Variants in PNPLA1 observed in about 807,000 individuals in gnomAD.
PNPLA1 encodes the protein patatin like domain 1, omega-hydroxyceramide transacylase.
Under a neutral mutation model 51.7 loss-of-function variants are expected in PNPLA1, and 36 were observed. The ratio of observed to expected loss-of-function variants is 0.70; its 90% CI spans 0.53 to 0.92. The LOEUF is 0.92. PNPLA1 is among the 40% of genes least tolerant of loss of function. The pLI, the probability that PNPLA1 is intolerant of heterozygous loss-of-function variation, is 0.00. For synonymous variants in PNPLA1, 293 were observed against 280.1 expected, an observed-to-expected ratio of 1.05 and a Z score of -0.46; for missense variants, 658 against 682.5, an observed-to-expected ratio of 0.96 and a Z score of 0.40.
At chr6:36,255,868 C>A (rs970884896) in intron 1 of PNPLA1, among the ~76,000 whole-genome samples, 10 of 152,204 alleles carry the variant, frequency 6.6e-5, no homozygotes, top group Non-Finnish European at 1.2e-4. Flanking sequence ...CTCTAACATG[C>A]ATCTGAAACA....
rs549646448 is a variant in PNPLA1, at chr6:36,253,327, T to C, written c.-81+10066T>C. ...ATTTTACTACTCCCTTACTCTGCAA[T>C]GTAGCTTTACAATGCTTGAGTAGTT... On this transcript the variant is annotated intron_variant, in intron 1 of 7. Transcript: ENST00000312917. Among the ~76,000 whole-genome samples, 5 of 152,366 alleles carry C rather than the reference T, an allele frequency of 3.3e-5. No homozygotes were observed. The East Asian group carries it at 5.8e-4, about 18-fold the overall frequency.
intron 1 of PNPLA1, among the ~76,000 whole-genome samples, chr6:36,263,247 A>G (rs978607936): frequency 6.6e-6 from 1 of 152,164 alleles, no homozygotes; most frequent in South Asian, 2.1e-4. Flanking sequence ...TGACTAAAAA[A>G]CTGCACACCG....
chr6:36,293,090 G>A lies in PNPLA1; in HGVS notation c.468G>A (p.Val156=). The A allele has an allele frequency of 6.2e-7, 1 of 1,614,102 alleles. No individual in the cohort carries two copies. The highest frequency in any genetic ancestry group is 8.5e-7 in the Non-Finnish European group (1 of 1,179,980). The part of the protein sequence containing the change: ...EALYCSCFVP[V]YCGLIPPTYR... ...TATACTGCAGCTGCTTCGTCCCGGT[G>A]TACTGTGGCCTCATCCCCCCGACTT... The change falls in exon 3 of 9, where the codon GTG becomes GTA. Residue 156 remains valine, a synonymous_variant. Transcript: ENST00000636260.
chr6:36,302,820 G>A (rs529637431), intron 6 of PNPLA1, among the ~76,000 whole-genome samples: 1 of 152,232 alleles, frequency 6.6e-6, no homozygotes, highest in South Asian at 2.1e-4. Flanking sequence ...CCCTCCAGGT[G>A]ATTTTTTGCC....
intron 1 of PNPLA1, among the ~76,000 whole-genome samples, chr6:36,245,946 ACTGT>A (rs574872563): frequency 8.4e-4 from 128 of 152,200 alleles, no homozygotes; most frequent in African/African-American, 2.3e-3. Context: ...TCAGCTTTAT[ACTGT>A]CTGTTATTCC....
At chr6:36,284,977 A>T (rs1298685263) in intron 1 of PNPLA1, among the ~76,000 whole-genome samples, 5 of 152,174 alleles carry the variant, frequency 3.3e-5, no homozygotes, top group African/African-American at 1.2e-4. Flanking sequence ...CATAGAAATA[A>T]AATGGTAAAT....
At chr6:36,272,085 G>T (rs1769934030) in intron 1 of PNPLA1, among the ~76,000 whole-genome samples, 1 of 152,168 alleles carries the variant, frequency 6.6e-6, no homozygotes, top group Non-Finnish European at 1.5e-5. Flanking sequence ...AATGATTCAA[G>T]CGCATTACAT....
intron 1 of PNPLA1, among the ~76,000 whole-genome samples, chr6:36,282,212 G>GGAAGGGAAGGAA (rs1554136650): frequency 0.078 from 8,426 of 108,666 alleles, 1,187 homozygotes; most frequent in African/African-American, 0.21. Context: ...AAGGAAGGAA[G>GGAAGGGAAGGAA]GGAAGGAAGG....
At chr6:36,291,080 G>A (rs1770660848) in intron 1 of PNPLA1, among the ~76,000 whole-genome samples, 1 of 152,186 alleles carries the variant, frequency 6.6e-6, no homozygotes, top group Admixed American at 6.5e-5. Flanking sequence ...AGGATGCCTG[G>A]GTCCAGCTCC....
chr6:36,289,619 A>C (rs1380118135), intron 1 of PNPLA1, among the ~76,000 whole-genome samples: 1 of 152,072 alleles, frequency 6.6e-6, no homozygotes, highest in Non-Finnish European at 1.5e-5. Context: ...TTCGAAAAAA[A>C]AAAAGGCTGT....
chr6:36,310,656 G>A (rs1272380487), intron 8 of PNPLA1, among the ~76,000 whole-genome samples: 1 of 152,254 alleles, frequency 6.6e-6, no homozygotes, highest in African/African-American at 2.4e-5. Context: ...TACACAGTTG[G>A]TAGGTGGCAG....
chr6:36,294,012 A>G lies in PNPLA1; in HGVS notation c.505-178A>G. The stretch of plus-strand genomic sequence containing the variant: ...GCCAATGCAGACTCACTAAGTGACC[A>G]GGGGCACACCACGCACCCACCAGGA... On this transcript the variant is annotated intron_variant, in intron 3 of 8. Coordinates refer to ENST00000636260, the MANE Select transcript of PNPLA1 (RefSeq NM_001374623.1). This position sits in a 1 kb window ranked among gnomAD's most constrained non-coding sequence, Gnocchi z 4.2. 1.5e-6 allele frequency: 1 copy of G among 683,146 alleles called. No individual in the cohort carries two copies. Among genetic ancestry groups the G allele is most frequent in the Non-Finnish European group, 2.5e-6 (1 of 407,696 alleles). The allele number at this position is 683,146 out of a possible 1,614,324, so 42.3% of individuals were successfully genotyped here.
intron 5 of PNPLA1, among the ~76,000 whole-genome samples, chr6:36,300,446 G>A (rs1463331987): frequency 6.6e-6 from 1 of 152,012 alleles, no homozygotes; most frequent in Admixed American, 6.6e-5. Flanking sequence ...CGCCCGCCTC[G>A]GCCTCCCAAA....
intron 1 of PNPLA1, among the ~76,000 whole-genome samples, chr6:36,278,193 G>A (rs1037705121): frequency 1.3e-5 from 2 of 152,190 alleles, no homozygotes; most frequent in African/African-American, 4.8e-5. Context: ...TTCAGATACA[G>A]TGTCTCATTT....
intron 1 of PNPLA1, among the ~76,000 whole-genome samples, chr6:36,273,656 G>A (rs1307105951): frequency 4.3e-5 from 6 of 140,064 alleles, no homozygotes; most frequent in Non-Finnish European, 6.0e-5. Flanking sequence ...ACTTTGAGAG[G>A]CCAAGGCAGG....
intron 1 of PNPLA1, among the ~76,000 whole-genome samples, chr6:36,283,103 T>C (rs1368460708): frequency 1.3e-5 from 2 of 152,238 alleles, no homozygotes; most frequent in East Asian, 3.8e-4. Context: ...TCTCCCCTAA[T>C]GTTAACATCT....
At chr6:36,289,646 G>C (rs1036380141) in intron 1 of PNPLA1, among the ~76,000 whole-genome samples, 19 of 151,970 alleles carry the variant, frequency 1.3e-4, no homozygotes, top group African/African-American at 4.6e-4. Flanking sequence ...GGCAACCCAG[G>C]CTTGCTCAGC....
At chr6:36,300,886 T>C (rs1265488216) in intron 5 of PNPLA1, among the ~76,000 whole-genome samples, 1 of 152,246 alleles carries the variant, frequency 6.6e-6, no homozygotes, top group Non-Finnish European at 1.5e-5. Flanking sequence ...GCTTTCTCTC[T>C]TCTCCCTGAT....
chr6:36,284,354 G>T (rs913524286), intron 1 of PNPLA1, among the ~76,000 whole-genome samples: 1 of 152,218 alleles, frequency 6.6e-6, no homozygotes, highest in Non-Finnish European at 1.5e-5. Flanking sequence ...TGTTTGGTTT[G>T]GTTTGAAGTG....
Sources: allele counts gnomAD v4.1 joint callset (sites outside exome capture counted in the v4.1 genomes callset), GRCh38; gene constraint gnomAD v4.1.1; non-coding constraint Gnocchi (gnomAD v3.1); transcripts MANE v1.5; gene names NCBI Gene and HGNC (gene_info 2026-07-23, HGNC 2026-07-21).